Variants in ARPP21 observed in about 807,000 individuals in gnomAD.
ARPP21 encodes cAMP-regulated phosphoprotein 21.
ARPP21 carries 69 observed loss-of-function variants against 113.2 expected under a neutral mutation model. The observed-to-expected ratio is 0.61, with a 90% CI of 0.50 to 0.74. The LOEUF is 0.74. ARPP21 is among the 30% of genes least tolerant of loss of function. ARPP21 has a pLI of 0.00. For missense variants in ARPP21, 1,070 were observed against 1,037.4 expected, an observed-to-expected ratio of 1.03 and a Z score of -0.43; for synonymous variants, 368 against 375.5, an observed-to-expected ratio of 0.98 and a Z score of 0.23.
At chr3:35,708,115 C>T (rs2089876361) in intron 10 of ARPP21, among the ~76,000 whole-genome samples, 1 of 151,782 alleles carries the variant, frequency 6.6e-6, no homozygotes, top group Admixed American at 6.6e-5. Context: ...CCTCCCACTG[C>T]CACCAAGCTA....
intron 1 of ARPP21, among the ~76,000 whole-genome samples, chr3:35,658,179 T>C (rs1366825025): frequency 1.3e-5 from 2 of 152,084 alleles, no homozygotes; most frequent in Non-Finnish European, 1.5e-5. Context: ...GACTCATAGA[T>C]TGGGCATGGT....
chr3:35,793,753 C>A lies in ARPP21; in HGVS notation c.2339C>A (p.Pro780Gln), dbSNP rs780293876. The A allele has an allele frequency of 1.9e-6, 3 of 1,613,762 alleles. No homozygotes were observed. Among genetic ancestry groups the A allele is most frequent in the Non-Finnish European group, 2.5e-6 (3 of 1,179,650 alleles). ...QGLPQQSYQQ[P>Q]IMLPNQAGQG... ...CTGCCCCAGCAGTCATACCAACAGCCAATCATGCTACCTAACCAGGCAGGT... is the reference window on the plus strand; with the variant it reads ...CTGCCCCAGCAGTCATACCAACAGCAAATCATGCTACCTAACCAGGCAGGT... The change falls in exon 21 of 21, where the codon CCA becomes CAA. Residue 780 changes from proline (P) to glutamine (Q), a missense_variant. Transcript: ENST00000684406.
intron 18 of ARPP21, among the ~76,000 whole-genome samples, chr3:35,739,995 T>C (rs2094562002): frequency 6.6e-6 from 1 of 152,188 alleles, no homozygotes; most frequent in South Asian, 2.1e-4. Context: ...TCTTATCAAT[T>C]CTCAAGCATT....
intron 9 of ARPP21, among the ~76,000 whole-genome samples, chr3:35,701,136 CA>C (rs11337318): frequency 0.039 from 5,851 of 151,572 alleles, 160 homozygotes; most frequent in African/African-American, 0.062. Flanking sequence ...TAGGCTAATC[CA>C]AAACATTTCA....
At chr3:35,746,600 G>A (rs2150954569) in intron 19 of ARPP21, among the ~76,000 whole-genome samples, 1 of 152,146 alleles carries the variant, frequency 6.6e-6, no homozygotes, top group African/African-American at 2.4e-5. Context: ...GTGTGTCTTG[G>A]GATCTGACCC....
intron 14 of ARPP21, among the ~76,000 whole-genome samples, chr3:35,727,927 G>C (rs2093654544): frequency 6.6e-6 from 1 of 152,056 alleles, no homozygotes; most frequent in Non-Finnish European, 1.5e-5. Flanking sequence ...AGAAGAGATT[G>C]TTAGATTCAC....
At chr3:35,731,598 C>T (rs955978345) in intron 15 of ARPP21, among the ~76,000 whole-genome samples, 1 of 152,022 alleles carries the variant, frequency 6.6e-6, no homozygotes, top group Non-Finnish European at 1.5e-5. Flanking sequence ...TGTGTATGTA[C>T]ATATATGCAT....
chr3:35,771,548 T>A (rs2096203409), intron 19 of ARPP21, among the ~76,000 whole-genome samples: 1 of 152,100 alleles, frequency 6.6e-6, no homozygotes, highest in Admixed American at 6.6e-5. Flanking sequence ...AGCCTCGTCT[T>A]CAATTCCTGA....
At chr3:35,695,082 G>C (rs2083453213) in intron 9 of ARPP21, among the ~76,000 whole-genome samples, 1 of 150,960 alleles carries the variant, frequency 6.6e-6, no homozygotes, top group South Asian at 2.1e-4. Context: ...TTCGTAAGAG[G>C]GGGTGAACCT....
intron 1 of ARPP21, chr3:35,643,875 A>G (rs998606884): frequency 6.6e-6 from 1 of 152,020 alleles, no homozygotes; most frequent in African/African-American, 2.4e-5. Context: ...CCTATTTAGA[A>G]ATTTGTGAAT....
chr3:35,677,790 C>T (rs1163002166), intron 1 of ARPP21, among the ~76,000 whole-genome samples: 1 of 151,814 alleles, frequency 6.6e-6, no homozygotes. Context: ...GAAATTGAAA[C>T]AGATCAAAAT....
intron 6 of ARPP21, among the ~76,000 whole-genome samples, chr3:35,688,468 A>T (rs2149583703): frequency 1.3e-5 from 2 of 151,750 alleles, no homozygotes; most frequent in Middle Eastern, 6.8e-3. Context: ...ATACATTTAC[A>T]AACTCAAAAC....
chr3:35,737,066 A>T, intron 15 of ARPP21, 112 bp from the exon 16 acceptor site: 1 of 647,074 alleles, frequency 1.5e-6, no homozygotes, highest in Non-Finnish European at 2.7e-6. Flanking sequence ...TTAGATTTCC[A>T]CTGCCCTGCC....
chr3:35,662,225 A>T (rs544807937), intron 1 of ARPP21, among the ~76,000 whole-genome samples: 1 of 152,198 alleles, frequency 6.6e-6, no homozygotes, highest in Non-Finnish European at 1.5e-5. Flanking sequence ...ACATGTGCGT[A>T]CTGTATGTAG....
At chr3:35,710,869 C>T (rs985898444) in intron 11 of ARPP21, among the ~76,000 whole-genome samples, 2 of 152,140 alleles carry the variant, frequency 1.3e-5, no homozygotes, top group African/African-American at 2.4e-5. Context: ...CATTGCATTT[C>T]CTTACAACCT....
chr3:35,654,252 TC>T (rs1294270734), intron 1 of ARPP21, among the ~76,000 whole-genome samples: 1 of 152,108 alleles, frequency 6.6e-6, no homozygotes. Flanking sequence ...TCATTTTTTT[TC>T]CTAATGGATT....
At chr3:35,787,671 T>A (rs1394343552) in intron 19 of ARPP21, among the ~76,000 whole-genome samples, 2 of 152,240 alleles carry the variant, frequency 1.3e-5, no homozygotes, top group African/African-American at 2.4e-5. Flanking sequence ...AATAAAGTCT[T>A]GTTCAGCAAA....
At chr3:35,762,096 C>CCTCTCTCTCTCTCTCTCT (rs373149403) in intron 19 of ARPP21, among the ~76,000 whole-genome samples, 10 of 136,066 alleles carry the variant, frequency 7.3e-5, no homozygotes, top group African/African-American at 2.7e-4. Context: ...CTCTCTCTCT[C>CCTCTCTCTCTCTCTCTCT]CTCTCTCTCT....
At chr3:35,780,164 G>T (rs1047169355) in intron 19 of ARPP21, among the ~76,000 whole-genome samples, 4 of 152,030 alleles carry the variant, frequency 2.6e-5, no homozygotes, top group Non-Finnish European at 5.9e-5. Flanking sequence ...ATGTGCCATT[G>T]CAAGATACTT....
Sources: gnomAD v4.1 joint callset for allele counts (sites outside exome capture counted in the v4.1 genomes callset) on GRCh38, gnomAD v4.1.1 for gene constraint, MANE v1.5 for transcripts, NCBI Gene and HGNC (gene_info 2026-07-23, HGNC 2026-07-21) for gene names.